CD302: variants seen among roughly 807,000 people sequenced by gnomAD.
CD302 encodes CD302 molecule.
Under a neutral mutation model 26.5 loss-of-function variants are expected in CD302, and 23 were observed. The observed-to-expected ratio is 0.87, with a 90% CI of 0.62 to 1.23. The LOEUF (loss-of-function observed/expected upper bound fraction) is 1.23, where lower values mean the gene tolerates loss of function less well. CD302 is among the 50% of genes most tolerant of loss of function. CD302 has a pLI of 0.00. For synonymous variants in CD302, 90 were observed against 99.4 expected (o/e 0.91, Z 0.56); for missense variants, 290 against 275.5 (o/e 1.05, Z -0.37).
intron 1 of CD302, among the ~76,000 whole-genome samples, chr2:159,795,119 A>C (rs181880972): frequency 4.6e-5 from 7 of 151,606 alleles, no homozygotes; most frequent in Admixed American, 2.0e-4. Context: ...GCTACTCGGG[A>C]GGCTGAGGCA....
At chr2:159,786,995 C>T (rs1195338367) in intron 1 of CD302, among the ~76,000 whole-genome samples, 3 of 152,154 alleles carry the variant, frequency 2.0e-5, no homozygotes, top group African/African-American at 7.2e-5. Context: ...TTGTGTCTGG[C>T]TTCTTTTGAT....
intron 1 of CD302, among the ~76,000 whole-genome samples, chr2:159,797,863 C>A (rs934783256): frequency 2.0e-5 from 3 of 152,204 alleles, no homozygotes; most frequent in African/African-American, 7.2e-5. Flanking sequence ...TCCCTCCCCG[C>A]GGAGTGGGGT....
At chr2:159,787,073 A>AT (rs1708686341) in intron 1 of CD302, among the ~76,000 whole-genome samples, 1 of 152,226 alleles carries the variant, frequency 6.6e-6, no homozygotes, top group Admixed American at 6.5e-5. Flanking sequence ...CTGTTGATGA[A>AT]TATTTGGGTA....
chr2:159,792,036 T>C (rs1248831899), intron 1 of CD302, among the ~76,000 whole-genome samples: 3 of 152,240 alleles, frequency 2.0e-5, no homozygotes, highest in Non-Finnish European at 4.4e-5. Flanking sequence ...TCAGGAATTC[T>C]GAAGCAGTTG....
intron 1 of CD302, among the ~76,000 whole-genome samples, chr2:159,791,889 T>C (rs1416683743): frequency 6.6e-6 from 1 of 152,276 alleles, no homozygotes; most frequent in Non-Finnish European, 1.5e-5. Flanking sequence ...TGGAAATTTA[T>C]GTTCTAGTTG....
rs1300727679 is a variant in CD302, at chr2:159,770,518, T to TATC, written c.*1330_*1332dup. 4 of 152,164 alleles carry TATC rather than the reference T, an allele frequency of 2.6e-5. No homozygotes were observed. Among genetic ancestry groups the TATC allele is most frequent in the African/African-American group, 9.6e-5 (4 of 41,454 alleles). 9.4% of individuals were successfully genotyped at this position (152,164 alleles called of 1,614,324 possible). ...AAGCTAGTGAGATAGTATATCTATC[T>TATC]ATCTCCCCAGAAGAAAGTAAGATAA... On this transcript the variant is annotated 3_prime_UTR_variant, in exon 6 of 6. Coordinates refer to ENST00000259053, the MANE Select transcript of CD302 (RefSeq NM_014880.5).
chr2:159,792,563 A>C (rs551091370), intron 1 of CD302, among the ~76,000 whole-genome samples: 1 of 152,098 alleles, frequency 6.6e-6, no homozygotes, highest in African/African-American at 2.4e-5. Flanking sequence ...GGGAATGACT[A>C]TGATGATGAT....
chr2:159,794,553 CATTT>C, intron 1 of CD302, among the ~76,000 whole-genome samples: 1 of 138,362 alleles, frequency 7.2e-6, no homozygotes, highest in Non-Finnish European at 1.6e-5. Flanking sequence ...TTTATTTATT[CATTT>C]ATTTATTTTG....
chr2:159,781,584 G>A (rs1708512204), intron 2 of CD302: 1 of 101,720 alleles, frequency 9.8e-6, no homozygotes, highest in Admixed American at 1.1e-4. Flanking sequence ...AAGAAAGAAA[G>A]AACAAATGAA....
At chr2:159,779,818 G>A (rs537636197) in intron 4 of CD302, among the ~76,000 whole-genome samples, 187 bp downstream of exon 4, 1 of 135,780 alleles carries the variant, frequency 7.4e-6, no homozygotes, top group South Asian at 2.2e-4. Context: ...TGCTCAAGCT[G>A]GTCTTCAACT....
At chr2:159,781,075 A>T in intron 2 of CD302, 77 bp from the exon 3 acceptor site, 1 of 1,157,688 alleles carries the variant, frequency 8.6e-7, no homozygotes, top group Non-Finnish European at 1.2e-6. Flanking sequence ...AAAAATAATA[A>T]ATAGTTGCTT....
At position 159,768,857 on chromosome 2, in the gene CD302, TTAACC is replaced by T. The variant is rs1708036990; in HGVS notation, c.*2989_*2993del. 6.6e-6 allele frequency: 1 copy of T among 152,182 alleles called. No individual in the cohort carries two copies. The highest frequency in any genetic ancestry group is 2.4e-5 in the African/African-American group (1 of 41,452). 9.4% of individuals were successfully genotyped at this position (152,182 alleles called of 1,614,324 possible). ...ATTCAGTATGACAGTTGTCTTCTGC[TTAACC>T]CATAAAACTTTATTTAAAAAATTTA... On this transcript the variant is annotated 3_prime_UTR_variant, in exon 6 of 6. Coordinates refer to ENST00000259053, the MANE Select transcript of CD302 (RefSeq NM_014880.5).
rs944839083 is a variant in CD302 at position 159,769,001 on chromosome 2, C to T, written c.*2850G>A. 5.9e-5 allele frequency: 9 copies of T among 152,014 alleles called. No homozygotes were observed. The highest frequency in any genetic ancestry group is 1.7e-4 in the African/African-American group (7 of 41,400). The allele number at this position is 152,014 out of a possible 1,614,324, so 9.4% of individuals were successfully genotyped here. ...AAGCTTTACAGTATTCTTGTAGTTC[C>T]CTAGTACCACTTAGTATTTAAATAT... On this transcript the variant is annotated 3_prime_UTR_variant, in exon 6 of 6. Coordinates refer to ENST00000259053, the MANE Select transcript of CD302 (RefSeq NM_014880.5).
At chr2:159,794,097 CAAAAAAAA>C (rs549235973) in intron 1 of CD302, among the ~76,000 whole-genome samples, 1 of 106,938 alleles carries the variant, frequency 9.4e-6, no homozygotes, top group Non-Finnish European at 1.9e-5. Context: ...CCCACCTCTA[CAAAAAAAA>C]AAAAAAAAAA....
At chr2:159,780,800 C>A (rs1027841427) in intron 3 of CD302, 82 bp downstream of exon 3, 3 of 1,292,088 alleles carry the variant, frequency 2.3e-6, no homozygotes, top group Admixed American at 3.8e-5. Context: ...TCAACTTGAA[C>A]CAGAGAATTG....
chr2:159,785,201 C>A (rs7563123), intron 1 of CD302, among the ~76,000 whole-genome samples: 11,283 of 152,046 alleles, frequency 0.074, 865 homozygotes, highest in African/African-American at 0.19. Flanking sequence ...CTCTGGAACT[C>A]CTGGGCTCAG....
intron 1 of CD302, 112 bp from the exon 2 acceptor site, chr2:159,783,581 T>G: frequency 1.4e-6 from 1 of 690,480 alleles, no homozygotes; most frequent in Non-Finnish European, 2.2e-6. Context: ...AAAGGCAATT[T>G]CCTTTGTTAA....
At chr2:159,795,876 G>A (rs536842632) in intron 1 of CD302, among the ~76,000 whole-genome samples, 130 of 152,274 alleles carry the variant, frequency 8.5e-4, no homozygotes, top group South Asian at 1.7e-3. Context: ...GGACTTACTC[G>A]GAACATGCTT....
rs1423936046 is a variant in CD302 at position 159,798,188 on chromosome 2, G to A, written c.11C>T (p.Ala4Val). ...CGGCAGCAGGAGCGCGGGCAGCGCG[G>A]CCCGGAGCATGACGGCGGGTGCGGG... MLR[A>V]ALPALLLPLL... is the part of the protein sequence containing the mutation. The change falls in exon 1 of 6, where the codon GCC (alanine) becomes GTC (valine). Residue 4 changes from alanine to valine, a missense_variant. Ala to Val is a moderately conservative substitution (Grantham distance 64). Transcript: ENST00000259053. 1.6e-5 allele frequency: 23 copies of A among 1,469,854 alleles called. No homozygotes were observed. Among genetic ancestry groups the A allele is most frequent in the Non-Finnish European group, 1.9e-5 (21 of 1,116,486 alleles). The allele number at this position is 1,469,854 out of a possible 1,614,324, so 91.1% of individuals were successfully genotyped here.
Sources: allele counts gnomAD v4.1 joint callset (sites outside exome capture counted in the v4.1 genomes callset), GRCh38; gene constraint gnomAD v4.1.1; transcripts MANE v1.5; gene names NCBI Gene and HGNC (gene_info 2026-07-23, HGNC 2026-07-21).